Variants in TAF1 observed in about 807,000 individuals in gnomAD.
TAF1 encodes transcription initiation factor TFIID subunit 1.
In TAF1, 2 loss-of-function variants were observed where a neutral mutation model predicts 138.5. The ratio of observed to expected loss-of-function variants is 0.01; its 90% confidence interval spans 0.01 to 0.05. The LOEUF is 0.05. TAF1 is among the 10% of genes least tolerant of loss of function. The pLI, the probability that TAF1 is intolerant of heterozygous loss-of-function variation, is 1.00. For synonymous variants in TAF1, 437 were observed against 503.2 expected, an observed-to-expected ratio of 0.87 and a Z score of 1.76; for missense variants, 709 against 1,478.0, an observed-to-expected ratio of 0.48 and a Z score of 8.53.
intron 8 of TAF1, among the ~76,000 whole-genome samples, chrX:71,379,529 A>G (rs1349523441): frequency 1.8e-5 from 2 of 109,254 alleles, no homozygotes; most frequent in African/African-American, 3.3e-5. Context: ...AAGATAGTCC[A>G]TGTAATTTTT....
chrX:71,483,327 A>C (rs1184204161), intron 13 of TAF1, among the ~76,000 whole-genome samples: 4 of 107,262 alleles, frequency 3.7e-5, no homozygotes, highest in East Asian at 2.9e-4. Flanking sequence ...AGAAGCAACT[A>C]CTCATCCATT....
intron 13 of TAF1, among the ~76,000 whole-genome samples, chrX:71,493,224 A>C (rs1306970351): frequency 2.7e-5 from 3 of 110,833 alleles, no homozygotes; most frequent in Non-Finnish European, 1.9e-5. Flanking sequence ...TATATTGGCC[A>C]GGCTGGTCTC....
chrX:71,460,182 A>G (rs1192200600), intron 36 of TAF1, among the ~76,000 whole-genome samples: 1 of 112,382 alleles, frequency 8.9e-6, no homozygotes. Context: ...TCAAGGCTGT[A>G]GTGAGCCATG....
At chrX:71,461,061 A>G (rs1174194174) in intron 37 of TAF1, 1 of 345,022 alleles carries the variant, frequency 2.9e-6, no homozygotes, top group Non-Finnish European at 5.0e-6. Context: ...TAAGTAAGAC[A>G]AAGTGCCAAA....
At chrX:71,399,567 C>CTTTTTTTTT (rs35622645) in intron 24 of TAF1, among the ~76,000 whole-genome samples, 8 of 28,922 alleles carry the variant, frequency 2.8e-4, no homozygotes, top group Admixed American at 6.9e-4. Context: ...GTTATTTATT[C>CTTTTTTTTT]TTTTTTTTTT....
rs1323023283 is a variant in TAF1 at position 71,465,420 on chromosome X, G to C, written c.*1374G>C. 8.9e-6 allele frequency: 1 copy of C among 112,030 alleles called. No homozygotes were observed. Among genetic ancestry groups the C allele is most frequent in the Non-Finnish European group, 1.9e-5 (1 of 53,238 alleles). The allele number at this position is 112,030 out of a possible 1,213,427, so 9.2% of individuals were successfully genotyped here. A position where few individuals can be genotyped will look rare whatever the true frequency, so the allele number is the denominator to read the frequency against. ...TAGTAGAAGCTTGCCAGATGGAAAA[G>C]TCCAGGCAAAGTGTAACATGAATGG... On this transcript the variant is annotated 3_prime_UTR_variant, in exon 38 of 38. Transcript: ENST00000423759.
Position 71,458,370 on chromosome X carries a change from G to A in TAF1, c.5064+4G>A. 2 of 1,209,283 alleles carry A rather than the reference G, an allele frequency of 1.7e-6. No homozygotes were observed. Among genetic ancestry groups the A allele is most frequent in the African/African-American group, 1.7e-5 (1 of 57,806 alleles). On this transcript the variant is annotated splice_donor_region_variant and intron_variant, in intron 35 of 37. Coordinates refer to ENST00000423759, the MANE Select transcript of TAF1 (RefSeq NM_004606.5). Reference sequence around the variant, plus strand: ...TCCAGAAAAGCAGGTAACACAGGTAGGATGTTCTTTTTCTCTTTATAAGAT... The same window carrying A: ...TCCAGAAAAGCAGGTAACACAGGTAAGATGTTCTTTTTCTCTTTATAAGAT...
intron 32 of TAF1, among the ~76,000 whole-genome samples, chrX:71,429,366 A>G (rs761907766): frequency 9.0e-6 from 1 of 111,441 alleles, no homozygotes; most frequent in Non-Finnish European, 1.9e-5. Flanking sequence ...ATAACTACTT[A>G]TTGAGCACCT....
intron 13 of TAF1, among the ~76,000 whole-genome samples, chrX:71,523,746 A>G (rs1178490154): frequency 8.9e-6 from 1 of 111,825 alleles, no homozygotes; most frequent in African/African-American, 3.2e-5. Flanking sequence ...TTCACATGAT[A>G]CAATGGGATT....
At chrX:71,430,946 T>G (rs1457160798) in intron 32 of TAF1, among the ~76,000 whole-genome samples, 1 of 108,346 alleles carries the variant, frequency 9.2e-6, no homozygotes, top group Non-Finnish European at 1.9e-5. Context: ...GGGTGGGACA[T>G]CTAAGTGAAG....
chrX:71,496,545 C>T (rs2039398700), intron 13 of TAF1, among the ~76,000 whole-genome samples: 1 of 107,933 alleles, frequency 9.3e-6, no homozygotes, highest in African/African-American at 3.4e-5. Flanking sequence ...TTGTCTCTGT[C>T]TCTTCCTCTC....
intron 13 of TAF1, among the ~76,000 whole-genome samples, chrX:71,509,019 G>T (rs949688420): frequency 2.5e-4 from 27 of 108,116 alleles, no homozygotes; most frequent in African/African-American, 9.1e-4. Context: ...TGTCACCCAG[G>T]CTGGTCTCAA....
chrX:71,383,822 A>T, intron 12 of TAF1, 140 bp from the exon 13 acceptor site: 2 of 711,490 alleles, frequency 2.8e-6, no homozygotes, highest in Non-Finnish European at 4.0e-6. Flanking sequence ...TTTGAACTTT[A>T]CAGTATGTTT....
In TAF1 at chrX:71,394,339, CAGA is replaced by C. The variant is rs762534773; in HGVS notation, c.3406+98_3406+100del. On this transcript the variant is annotated intron_variant, in intron 22 of 37. Transcript: ENST00000423759. ...ACTGTAATTGAGGGAGATCTGGAGGCAGAAGATGTAAGGGATGCATGTAGAAAA... is the reference window on the plus strand; with the variant it reads ...ACTGTAATTGAGGGAGATCTGGAGGCAGATGTAAGGGATGCATGTAGAAAA... 48 of 1,016,433 alleles carry C rather than the reference CAGA, an allele frequency of 4.7e-5. 1 individual carries two copies. In the South Asian group the frequency reaches 1.3e-3, roughly 27 times the overall value. The allele number at this position is 1,016,433 out of a possible 1,213,427, so 83.8% of individuals were successfully genotyped here.
chrX:71,484,378 G>A (rs1218568822), intron 13 of TAF1, among the ~76,000 whole-genome samples: 2 of 106,835 alleles, frequency 1.9e-5, no homozygotes, highest in Non-Finnish European at 3.8e-5. Flanking sequence ...TGTCACCCAA[G>A]CTGGAGTGCA....
intron 13 of TAF1, among the ~76,000 whole-genome samples, chrX:71,526,598 G>T (rs1221727551): frequency 8.9e-6 from 1 of 111,952 alleles, no homozygotes; most frequent in Non-Finnish European, 1.9e-5. Flanking sequence ...ATATGTTGCA[G>T]ATCTGTGTTC....
At chrX:71,525,037 A>G (rs907217426) in intron 13 of TAF1, among the ~76,000 whole-genome samples, 1 of 108,942 alleles carries the variant, frequency 9.2e-6, no homozygotes, top group Admixed American at 9.9e-5. Context: ...CTCTGTGTTT[A>G]TTTATTTATT....
chrX:71,378,506 TTTTAC>T, intron 7 of TAF1, 53 bp downstream of exon 7: 1 of 1,160,355 alleles, frequency 8.6e-7, no homozygotes, highest in East Asian at 3.0e-5. Flanking sequence ...GTCCTATTAC[TTTTAC>T]TAACTTTACT....
At chrX:71,452,569 T>G (rs1219291988) in intron 32 of TAF1, among the ~76,000 whole-genome samples, 2 of 107,908 alleles carry the variant, frequency 1.9e-5, no homozygotes, top group Non-Finnish European at 3.8e-5. Context: ...CGCTCCTCAC[T>G]TTCCAGTCTG....
Sources: allele counts gnomAD v4.1 joint callset (sites outside exome capture counted in the v4.1 genomes callset), GRCh38; gene constraint gnomAD v4.1.1; transcripts MANE v1.5; gene names NCBI Gene and HGNC (gene_info 2026-07-23, HGNC 2026-07-21).